Variants in SLC14A2 observed in about 807,000 individuals in gnomAD.
SLC14A2 encodes the protein urea transporter 2.
In SLC14A2, 91 loss-of-function variants were observed where a neutral mutation model predicts 104.6. The observed-to-expected ratio is 0.87, with a 90% CI of 0.73 to 1.04. The LOEUF (loss-of-function observed/expected upper bound fraction) is 1.04. Ranked by LOEUF, SLC14A2 falls within the 50% of genes least tolerant of loss-of-function variation. SLC14A2 has a pLI of 0.00. For missense variants in SLC14A2, 1,189 were observed against 1,156.0 expected (o/e 1.03, Z -0.41); for synonymous variants, 476 against 466.4 (o/e 1.02, Z -0.27).
At chr18:45,254,102 G>GT (rs1365551789) in intron 1 of SLC14A2, among the ~76,000 whole-genome samples, 1 of 152,160 alleles carries the variant, frequency 6.6e-6, no homozygotes, top group Non-Finnish European at 1.5e-5. Context: ...GACGATCCCT[G>GT]TGCCGATCAT....
At chr18:45,477,021 C>T (rs752058663) in intron 1 of SLC14A2, among the ~76,000 whole-genome samples, 47 of 152,248 alleles carry the variant, frequency 3.1e-4, no homozygotes, top group Non-Finnish European at 6.3e-4. Flanking sequence ...GTTTTATTCC[C>T]TTGCTGGCGG....
At chr18:45,470,501 A>G (rs903019851) in intron 1 of SLC14A2, among the ~76,000 whole-genome samples, 5 of 151,976 alleles carry the variant, frequency 3.3e-5, no homozygotes, top group African/African-American at 1.2e-4. Context: ...TTCTGCCTCT[A>G]TTGCCTCTTT....
chr18:45,478,173 A>G (rs2087421227), intron 1 of SLC14A2, among the ~76,000 whole-genome samples: 1 of 152,214 alleles, frequency 6.6e-6, no homozygotes, highest in African/African-American at 2.4e-5. Context: ...AAAGAATAGT[A>G]TCTGAGCCAG....
rs1007433383 is a variant in SLC14A2, at chr18:45,555,337, T to C, written c.-34-69294T>C. ...CCTGACTTAACAATGGTTTGACTTA[T>C]GATTTTTCAACTTTCTGATGGTATA... On this transcript the variant is annotated intron_variant, in intron 2 of 20. Transcript: ENST00000586448. Among the ~76,000 whole-genome samples the C allele has an allele frequency of 7.2e-5, 11 of 152,368 alleles. 1 individual carries two copies. The highest frequency in any genetic ancestry group is 1.2e-4 in the African/African-American group (5 of 41,578).
chr18:45,554,751 T>C (rs1169354724), intron 2 of SLC14A2, among the ~76,000 whole-genome samples: 1 of 152,060 alleles, frequency 6.6e-6, no homozygotes, highest in Non-Finnish European at 1.5e-5. Flanking sequence ...ATAAGACCAG[T>C]TCCAAGGAGA....
At chr18:45,199,983 C>T in the SLC14A2 span, among the ~76,000 whole-genome samples, 1 of 152,294 alleles carries the variant, frequency 6.6e-6, no homozygotes, top group Non-Finnish European at 1.5e-5. Flanking sequence ...TTAAAGAACC[C>T]TAGCTGGACC....
At chr18:45,658,891 C>T (rs1599136131) in intron 10 of SLC14A2, among the ~76,000 whole-genome samples, 2 of 152,116 alleles carry the variant, frequency 1.3e-5, no homozygotes, top group Non-Finnish European at 2.9e-5. Flanking sequence ...ATCATCATGG[C>T]TCATAACTGT....
At chr18:45,484,824 G>C (rs1006518041) in intron 2 of SLC14A2, among the ~76,000 whole-genome samples, 8 of 152,014 alleles carry the variant, frequency 5.3e-5, no homozygotes, top group African/African-American at 1.9e-4. Context: ...ACAGTAATAA[G>C]ATATACCTCT....
chr18:45,640,974 G>A (rs1259428464), intron 7 of SLC14A2, among the ~76,000 whole-genome samples: 6 of 152,202 alleles, frequency 3.9e-5, no homozygotes, highest in Non-Finnish European at 8.8e-5. Flanking sequence ...TCTCACCCAG[G>A]AGGACCTCCA....
chr18:45,546,145 G>A (rs964580960), intron 2 of SLC14A2, among the ~76,000 whole-genome samples: 1 of 152,130 alleles, frequency 6.6e-6, no homozygotes, highest in Non-Finnish European at 1.5e-5. Flanking sequence ...TTAGATACAT[G>A]TGTTATAACC....
chr18:45,216,536 G>A (rs1005305505), intron 1 of SLC14A2, among the ~76,000 whole-genome samples: 4 of 152,252 alleles, frequency 2.6e-5, no homozygotes, highest in South Asian at 4.2e-4. Flanking sequence ...TGGAGAGGCC[G>A]TGTATTTTTT....
intron 2 of SLC14A2, among the ~76,000 whole-genome samples, chr18:45,545,553 G>A (rs1442266731): frequency 6.6e-6 from 1 of 152,158 alleles, no homozygotes; most frequent in Non-Finnish European, 1.5e-5. Context: ...AAACCACAAG[G>A]ACAGTTTAGG....
At chr18:45,523,811 G>A (rs114880310) in intron 2 of SLC14A2, among the ~76,000 whole-genome samples, 147 of 152,194 alleles carry the variant, frequency 9.7e-4, no homozygotes, top group African/African-American at 3.2e-3. Flanking sequence ...TTCCCAGGTC[G>A]TCCAGATCTC....
chr18:45,200,681 A>G, the SLC14A2 span, among the ~76,000 whole-genome samples: 4 of 152,194 alleles, frequency 2.6e-5, no homozygotes, highest in Admixed American at 6.6e-5. Flanking sequence ...TTCACATTCA[A>G]TAAACACCTG....
intron 1 of SLC14A2, among the ~76,000 whole-genome samples, chr18:45,430,646 G>A (rs1394579150): frequency 1.3e-5 from 2 of 152,020 alleles, no homozygotes; most frequent in African/African-American, 2.4e-5. Flanking sequence ...TGTGATCTCA[G>A]CTCAGTGCAA....
intron 1 of SLC14A2, among the ~76,000 whole-genome samples, chr18:45,393,883 A>G (rs1243089593): frequency 6.6e-6 from 1 of 152,188 alleles, no homozygotes; most frequent in Non-Finnish European, 1.5e-5. Context: ...CCTCTATGGT[A>G]TCATCATCCT....
intron 1 of SLC14A2, among the ~76,000 whole-genome samples, chr18:45,272,957 CTA>C: frequency 6.6e-6 from 1 of 152,144 alleles, no homozygotes; most frequent in Non-Finnish European, 1.5e-5. Context: ...TATAGGGAGC[CTA>C]GTCATTAAGT....
intron 1 of SLC14A2, among the ~76,000 whole-genome samples, chr18:45,398,371 G>A (rs1315690959): frequency 2.0e-5 from 3 of 152,190 alleles, no homozygotes; most frequent in Non-Finnish European, 4.4e-5. Flanking sequence ...TTTCCAGGCT[G>A]TCTCAGGAGT....
intron 1 of SLC14A2, among the ~76,000 whole-genome samples, chr18:45,299,240 A>C (rs1215161813): frequency 6.6e-6 from 1 of 152,210 alleles, no homozygotes; most frequent in Non-Finnish European, 1.5e-5. Context: ...CTTTCTTTTT[A>C]GAGAGTTCCA....
Sources: allele counts gnomAD v4.1 joint callset (sites outside exome capture counted in the v4.1 genomes callset), GRCh38; gene constraint gnomAD v4.1.1; transcripts MANE v1.5; gene names NCBI Gene and HGNC (gene_info 2026-07-23, HGNC 2026-07-21).